TENM2: variants seen among roughly 807,000 people sequenced by gnomAD.
TENM2 encodes the protein teneurin-2.
TENM2 carries 52 observed loss-of-function variants against 245.2 expected under a neutral mutation model. That is an observed-to-expected ratio of 0.21 (90% CI 0.17 to 0.27). The LOEUF (loss-of-function observed/expected upper bound fraction) is 0.27. Among genes scored for constraint, TENM2 ranks in the 10% least tolerant of loss-of-function variants. TENM2 has a pLI of 1.00. For synonymous variants in TENM2, 1,363 were observed against 1,438.9 expected (o/e 0.95, Z 1.19); for missense variants, 3,046 against 3,666.8 (o/e 0.83, Z 4.37).
rs191495885 is a variant in TENM2, at chr5:167,597,623, A to C, written c.502+222150A>C. Among the ~76,000 whole-genome samples the C allele has an allele frequency of 2.0e-5, 3 of 152,354 alleles. No individual in the cohort carries two copies. In the East Asian group the frequency reaches 5.8e-4, roughly 29 times the overall value. On this transcript the variant is annotated intron_variant, in intron 2 of 28. Transcript: ENST00000518659. ...GGTGGTGGGGAGCAGGTGAGAGGAC[A>C]GCAGAGAGACAAATGATAATTCCAG... is the stretch of plus-strand genomic sequence containing the variant.
chr5:168,092,209 T>C (rs941996562), intron 8 of TENM2, among the ~76,000 whole-genome samples: 1 of 152,198 alleles, frequency 6.6e-6, no homozygotes, highest in Non-Finnish European at 1.5e-5. Context: ...TAAAATCATA[T>C]AGAGTTTTGG....
intron 2 of TENM2, among the ~76,000 whole-genome samples, chr5:167,514,280 C>T (rs192412096): frequency 3.3e-5 from 5 of 152,236 alleles, no homozygotes; most frequent in Admixed American, 1.3e-4. Context: ...ACAGAGAAAA[C>T]ACGGAAGTGA....
chr5:167,343,785 C>T (rs955203580), intron 1 of TENM2, among the ~76,000 whole-genome samples: 1 of 152,124 alleles, frequency 6.6e-6, no homozygotes. Flanking sequence ...GTTTTATTTT[C>T]TTAAACCCTA....
chr5:168,127,613 G>A (rs1427690008), intron 12 of TENM2, among the ~76,000 whole-genome samples: 1 of 151,984 alleles, frequency 6.6e-6, no homozygotes, highest in Non-Finnish European at 1.5e-5. Flanking sequence ...CTCTTTTTCG[G>A]CACAGTTGTG....
chr5:168,022,191 G>A (rs1417100630), intron 5 of TENM2, among the ~76,000 whole-genome samples: 2 of 152,182 alleles, frequency 1.3e-5, no homozygotes, highest in African/African-American at 4.8e-5. Flanking sequence ...GCACCGTGCC[G>A]GGGGCTGGGG....
chr5:167,338,317 A>G (rs1237100610), intron 1 of TENM2, among the ~76,000 whole-genome samples: 1 of 152,192 alleles, frequency 6.6e-6, no homozygotes, highest in Non-Finnish European at 1.5e-5. Context: ...CAACCCTAAC[A>G]ATGAAAAGTC....
At chr5:167,066,760 G>A in the TENM2 span, among the ~76,000 whole-genome samples, 2 of 152,104 alleles carry the variant, frequency 1.3e-5, no homozygotes, top group East Asian at 1.9e-4. Flanking sequence ...AATGAGCCAC[G>A]TACATCCCTC....
intron 1 of TENM2, among the ~76,000 whole-genome samples, chr5:167,330,494 C>G (rs1757374706): frequency 1.3e-5 from 2 of 152,040 alleles, no homozygotes; most frequent in Admixed American, 1.3e-4. Flanking sequence ...GAAGAGCTTT[C>G]AAAAGGCAGA....
intron 2 of TENM2, among the ~76,000 whole-genome samples, chr5:167,534,678 G>A (rs1771734918): frequency 6.6e-6 from 1 of 152,120 alleles, no homozygotes; most frequent in African/African-American, 2.4e-5. Context: ...TAATTCTTAG[G>A]ATAATTAATT....
At chr5:168,059,720 G>C (rs981726188) in intron 6 of TENM2, among the ~76,000 whole-genome samples, 1 of 152,072 alleles carries the variant, frequency 6.6e-6, no homozygotes, top group African/African-American at 2.4e-5. Context: ...AGTAATGAGA[G>C]CTCCTGATCA....
At chr5:167,846,076 A>G (rs765190683) in intron 2 of TENM2, among the ~76,000 whole-genome samples, 20 of 152,150 alleles carry the variant, frequency 1.3e-4, no homozygotes, top group Non-Finnish European at 2.6e-4. Flanking sequence ...GGCAGAGTTC[A>G]CTGCACCCTC....
At chr5:167,576,161 A>G (rs1048068169) in intron 2 of TENM2, among the ~76,000 whole-genome samples, 2 of 152,230 alleles carry the variant, frequency 1.3e-5, no homozygotes, top group African/African-American at 4.8e-5. Context: ...AGAGAACAAA[A>G]TAGAACTAAA....
At chr5:168,003,337 ACACACACACC>A (rs765807991) in intron 5 of TENM2, among the ~76,000 whole-genome samples, 7,802 of 144,386 alleles carry the variant, frequency 0.054, 376 homozygotes, top group African/African-American at 0.13. Context: ...ACACACACAC[ACACACACACC>A]CCCAAAGCTG....
At chr5:167,245,432 C>G in the TENM2 span, among the ~76,000 whole-genome samples, 1 of 151,814 alleles carries the variant, frequency 6.6e-6, no homozygotes, top group Admixed American at 6.6e-5. Context: ...ATGACACAAA[C>G]TTTCTGGATG....
At chr5:167,299,934 G>A (rs1474398801) in intron 1 of TENM2, among the ~76,000 whole-genome samples, 6 of 152,174 alleles carry the variant, frequency 3.9e-5, no homozygotes, top group Non-Finnish European at 4.4e-5. Context: ...TGGAAGTTAC[G>A]AGAAATGTAG....
rs1035804958 is a variant in TENM2, at chr5:167,523,916, T to C, written c.502+148443T>C. On this transcript the variant is annotated intron_variant, in intron 2 of 28. Transcript: ENST00000518659. Reference sequence around the variant, plus strand: ...CATTGAGATCAGCTGAGTTTCATGATCCTGGAATAAAGTTAAAATCCAAAT... The same window carrying C: ...CATTGAGATCAGCTGAGTTTCATGACCCTGGAATAAAGTTAAAATCCAAAT... 3.3e-5 allele frequency among the ~76,000 whole-genome samples: 5 copies of C among 152,298 alleles called. No homozygotes were observed. In the South Asian group the frequency reaches 1.0e-3, roughly 32 times the overall value.
chr5:167,968,322 C>T (rs1781527943), intron 4 of TENM2, among the ~76,000 whole-genome samples: 1 of 152,120 alleles, frequency 6.6e-6, no homozygotes. Context: ...TTTTCAAATC[C>T]CTTATTGAAT....
At position 168,196,676 on chromosome 5, in the gene TENM2, G is replaced by C. The variant is rs992626758; in HGVS notation, c.2900+1381G>C. ...GGGGTTTCACCATGTTGGCCAGGCT[G>C]GTCTCGAACTCCTAACCTCAAGTGA... On this transcript the variant is annotated intron_variant, in intron 15 of 28. Transcript: ENST00000518659. 6.6e-5 allele frequency among the ~76,000 whole-genome samples: 10 copies of C among 152,134 alleles called. 1 individual carries two copies. Among genetic ancestry groups the C allele is most frequent in the Non-Finnish European group, 1.3e-4 (9 of 68,032 alleles).
chr5:167,765,768 C>A (rs1343036483), intron 2 of TENM2, among the ~76,000 whole-genome samples: 4 of 152,158 alleles, frequency 2.6e-5, no homozygotes, highest in Admixed American at 2.6e-4. Flanking sequence ...GTTGCCAGGG[C>A]TGATGAATAT....
Sources: gnomAD v4.1 joint callset for allele counts (sites outside exome capture counted in the v4.1 genomes callset) on GRCh38, gnomAD v4.1.1 for gene constraint, MANE v1.5 for transcripts, NCBI Gene and HGNC (gene_info 2026-07-23, HGNC 2026-07-21) for gene names.